The following ZNF621 variants were observed in gnomAD, a reference collection of about 807,000 sequenced individuals.
ZNF621 encodes the protein zinc finger protein 621.
Under a neutral mutation model 12.7 loss-of-function variants are expected in ZNF621, and 6 were observed. That is an observed-to-expected ratio of 0.47 (90% CI 0.26 to 0.93). ZNF621 has a LOEUF of 0.93. ZNF621 is among the 40% of genes least tolerant of loss of function. The probability of loss-of-function intolerance (pLI) is 0.15; values close to 1 mark genes in which losing one functional copy is unlikely to be tolerated. For missense variants in ZNF621, 474 were observed against 524.0 expected, an observed-to-expected ratio of 0.90 and a Z score of 0.93; for synonymous variants, 156 against 190.3, an observed-to-expected ratio of 0.82 and a Z score of 1.48.
At chr3:40,530,358 TC>T in intron 4 of ZNF621, 42 bp downstream of exon 4, 1 of 1,540,060 alleles carries the variant, frequency 6.5e-7, no homozygotes, top group South Asian at 1.1e-5. Context: ...TGTTTTGCCT[TC>T]CTGGTTTACT....
chr3:40,526,360 G>A (rs527821487), intron 2 of ZNF621, among the ~76,000 whole-genome samples: 1 of 152,108 alleles, frequency 6.6e-6, no homozygotes, highest in Non-Finnish European at 1.5e-5. Flanking sequence ...TAGTAGAGAC[G>A]GGGTTTACAC....
At chr3:40,523,487 G>C (rs941646981), upstream of ZNF621, among the ~76,000 whole-genome samples, 1 of 152,132 alleles carries the variant, frequency 6.6e-6, no homozygotes. Flanking sequence ...AGTCTGGGCC[G>C]GGCGCGGTGG....
In ZNF621 at chr3:40,538,164, C is replaced by G. The variant is rs1698916119; in HGVS notation, c.*5074C>G. 3.2e-6 allele frequency: 1 copy of G among 316,576 alleles called. No individual in the cohort carries two copies. The highest frequency in any genetic ancestry group is 6.1e-6 in the Non-Finnish European group (1 of 163,570). The allele number at this position is 316,576 out of a possible 1,614,324, so 19.6% of individuals were successfully genotyped here. A position where few individuals can be genotyped will look rare whatever the true frequency, so the allele number is the denominator to read the frequency against. ...GCCTGGATGACAGCACATCTGTTTA[C>G]AGCATGGATTACTGAATATTTTAAG... On this transcript the variant is annotated 3_prime_UTR_variant, in exon 5 of 5. Coordinates refer to ENST00000339296, the MANE Select transcript of ZNF621 (RefSeq NM_198484.5).
chr3:40,532,080 T>G lies in ZNF621; in HGVS notation c.310T>G (p.Ser104Ala), dbSNP rs1318138721. The part of the protein sequence containing the change: ...NEGLVIKQEA[S>A]EETELHRMPV... ...AGGGCTAGTTATAAAGCAGGAAGCC[T>G]CTGAAGAAACAGAGTTGCACAGAAT... Residue 104 changes from serine (S) to alanine (A), a missense_variant, in exon 5 of 5, where the codon TCT becomes GCT. By Grantham distance (99) the Ser-to-Ala change is moderately conservative. Coordinates refer to ENST00000339296, the MANE Select transcript of ZNF621 (RefSeq NM_198484.5). The G allele has an allele frequency of 2.5e-6, 4 of 1,614,086 alleles. No individual in the cohort carries two copies. Among genetic ancestry groups the G allele is most frequent in the Non-Finnish European group, 3.4e-6 (4 of 1,180,020 alleles).
rs1408578453 is a variant in ZNF621 at position 40,534,042 on chromosome 3, C to T, written c.*952C>T. The stretch of plus-strand genomic sequence containing the variant: ...TAGATGTTTCTTTTAACTTTTATTT[C>T]GTAAGTAAATATACACAAAGGCATT... On this transcript the variant is annotated 3_prime_UTR_variant, in exon 5 of 5. Coordinates refer to ENST00000339296, the MANE Select transcript of ZNF621 (RefSeq NM_198484.5). The T allele has an allele frequency of 2.6e-5, 4 of 151,416 alleles. No individual in the cohort carries two copies. Among genetic ancestry groups the T allele is most frequent in the Non-Finnish European group, 5.9e-5 (4 of 67,866 alleles). 9.4% of individuals were successfully genotyped at this position (151,416 alleles called of 1,614,324 possible). A position where few individuals can be genotyped will look rare whatever the true frequency, so the allele number is the denominator to read the frequency against.
At chr3:40,529,206 A>G (rs1308665404) in intron 2 of ZNF621, 113 bp from the exon 3 acceptor site, 4 of 1,325,558 alleles carry the variant, frequency 3.0e-6, no homozygotes, top group South Asian at 1.4e-5. Flanking sequence ...CAGACCTTAC[A>G]TGGGGCTCAG....
intron 2 of ZNF621, among the ~76,000 whole-genome samples, chr3:40,528,352 T>C (rs1698636578): frequency 6.6e-6 from 1 of 152,224 alleles, no homozygotes; most frequent in Non-Finnish European, 1.5e-5. Flanking sequence ...TGCTGAATAA[T>C]ATTCCATTGT....
In ZNF621 at chr3:40,535,586, C is replaced by G. The variant is rs1255468766; in HGVS notation, c.*2496C>G. ...ACATTCTGTAGTAAAAATACCCCTA[C>G]AATCATTTTGGTAGGGTCTTCTGTC... On this transcript the variant is annotated 3_prime_UTR_variant, in exon 5 of 5. Transcript: ENST00000339296. 1 of 152,142 alleles carries G rather than the reference C, an allele frequency of 6.6e-6. No homozygotes were observed. The highest frequency in any genetic ancestry group is 6.5e-5 in the Admixed American group (1 of 15,278). The allele number at this position is 152,142 out of a possible 1,614,324, so 9.4% of individuals were successfully genotyped here. A position where few individuals can be genotyped will look rare whatever the true frequency, so the allele number is the denominator to read the frequency against.
chr3:40,538,438 A>G lies in ZNF621; in HGVS notation c.*5348A>G, dbSNP rs2125682037. On this transcript the variant is annotated 3_prime_UTR_variant, in exon 5 of 5. Coordinates refer to ENST00000339296, the MANE Select transcript of ZNF621 (RefSeq NM_198484.5). ...TGAGGCAGGAGAATTGCTTGAATCC[A>G]GAGGCAGAGGTTGCAGTGAGCTGAG... 1 of 196,598 alleles carries G rather than the reference A, an allele frequency of 5.1e-6. No individual in the cohort carries two copies. Among genetic ancestry groups the G allele is most frequent in the Non-Finnish European group, 1.1e-5 (1 of 92,868 alleles). The allele number at this position is 196,598 out of a possible 1,614,324, so 12.2% of individuals were successfully genotyped here.
rs1272668753 is a variant in ZNF621, at chr3:40,539,474, T to A, written c.*6384T>A. On this transcript the variant is annotated 3_prime_UTR_variant, in exon 5 of 5. Transcript: ENST00000339296. The stretch of plus-strand genomic sequence containing the variant: ...TGTACATTGTCAGATATAATGCTAT[T>A]GCAAACTTAATAGACTATAATATAG... 1.3e-5 allele frequency: 2 copies of A among 152,252 alleles called. No homozygotes were observed. Among genetic ancestry groups the A allele is most frequent in the Non-Finnish European group, 2.9e-5 (2 of 68,054 alleles). The allele number at this position is 152,252 out of a possible 1,614,324, so 9.4% of individuals were successfully genotyped here.
At position 40,533,979 on chromosome 3, in the gene ZNF621, C is replaced by T. The variant is rs747682284; in HGVS notation, c.*889C>T. On this transcript the variant is annotated 3_prime_UTR_variant, in exon 5 of 5. Coordinates refer to ENST00000339296, the MANE Select transcript of ZNF621 (RefSeq NM_198484.5). ...CAGTGAGAGTAATCATGTCTTTAAACGTGAAGTTTTTTTTTCTTTAGTTTT... is the reference window on the plus strand; with the variant it reads ...CAGTGAGAGTAATCATGTCTTTAAATGTGAAGTTTTTTTTTCTTTAGTTTT... 3 of 151,970 alleles carry T rather than the reference C, an allele frequency of 2.0e-5. No homozygotes were observed. Among genetic ancestry groups the T allele is most frequent in the Non-Finnish European group, 2.9e-5 (2 of 67,942 alleles). The allele number at this position is 151,970 out of a possible 1,614,324, so 9.4% of individuals were successfully genotyped here. A position where few individuals can be genotyped will look rare whatever the true frequency, so the allele number is the denominator to read the frequency against.
intron 2 of ZNF621, 172 bp from the exon 3 acceptor site, chr3:40,529,147 A>G: frequency 1.5e-6 from 1 of 663,390 alleles, no homozygotes; most frequent in Non-Finnish European, 2.5e-6. Context: ...AAGTGGAACT[A>G]CTGGCTGAGG....
chr3:40,525,860 C>T lies in ZNF621; in HGVS notation c.20C>T (p.Pro7Leu), dbSNP rs1470579485. MLQTTW[P>L]QESVTFEDVA... is the part of the protein sequence containing the mutation. ...TCCGCCATGCTCCAAACAACTTGGC[C>T]TCAGGTGAGCTGAGCTTCTTTCAGT... The change falls in exon 2 of 5, where the codon CCT becomes CTT. Residue 7 changes from proline (P) to leucine (L), a missense_variant. Transcript: ENST00000339296. 1.9e-6 allele frequency: 3 copies of T among 1,613,736 alleles called. No individual in the cohort carries two copies. Among genetic ancestry groups the T allele is most frequent in the South Asian group, 1.1e-5 (1 of 90,934 alleles).
At position 40,533,862 on chromosome 3, in the gene ZNF621, A is replaced by G. The variant is rs1419768138; in HGVS notation, c.*772A>G. On this transcript the variant is annotated 3_prime_UTR_variant, in exon 5 of 5. Coordinates refer to ENST00000339296, the MANE Select transcript of ZNF621 (RefSeq NM_198484.5). ...GTGGGGTATTAATACAGTTGAAGTTATGTTGCCCTTGGCACAGATCTTTGA... is the reference window on the plus strand; with the variant it reads ...GTGGGGTATTAATACAGTTGAAGTTGTGTTGCCCTTGGCACAGATCTTTGA... 1.3e-5 allele frequency: 2 copies of G among 152,518 alleles called. No homozygotes were observed. Among genetic ancestry groups the G allele is most frequent in the Non-Finnish European group, 2.9e-5 (2 of 68,042 alleles). The allele number at this position is 152,518 out of a possible 1,614,324, so 9.4% of individuals were successfully genotyped here. A position where few individuals can be genotyped will look rare whatever the true frequency, so the allele number is the denominator to read the frequency against.
chr3:40,525,657 G>A (rs1346056047), intron 1 of ZNF621, 122 bp from the exon 2 acceptor site: 1 of 749,384 alleles, frequency 1.3e-6, no homozygotes, highest in Admixed American at 2.2e-5. Context: ...AGAACAATTA[G>A]AGGGAGTCCT....
intron 2 of ZNF621, among the ~76,000 whole-genome samples, chr3:40,526,630 G>A (rs940398102): frequency 6.6e-6 from 1 of 152,204 alleles, no homozygotes; most frequent in African/African-American, 2.4e-5. Flanking sequence ...ACTGGAAGGG[G>A]TCAGAGAAAG....
At chr3:40,524,784 G>A (rs1289052234), upstream of ZNF621, 1 of 152,308 alleles carries the variant, frequency 6.6e-6, no homozygotes, top group South Asian at 2.1e-4. Context: ...GGAGAAAGCC[G>A]GGCTTAGAGC....
At chr3:40,527,219 TG>T (rs1265894576) in intron 2 of ZNF621, among the ~76,000 whole-genome samples, 1 of 152,194 alleles carries the variant, frequency 6.6e-6, no homozygotes, top group Non-Finnish European at 1.5e-5. Flanking sequence ...GGGTTCTCCA[TG>T]TTGGTCAGCT....
At chr3:40,524,705 C>T (rs767014208), upstream of ZNF621, among the ~76,000 whole-genome samples, 3 of 152,174 alleles carry the variant, frequency 2.0e-5, no homozygotes, top group Admixed American at 6.5e-5. Flanking sequence ...GCCTAGAGGG[C>T]GAGGTCTCGG....
Sources: allele counts gnomAD v4.1 joint callset (sites outside exome capture counted in the v4.1 genomes callset), GRCh38; gene constraint gnomAD v4.1.1; transcripts MANE v1.5; gene names NCBI Gene and HGNC (gene_info 2026-07-23, HGNC 2026-07-21).